BIVM: variants seen among roughly 807,000 people sequenced by gnomAD.
BIVM encodes basic immunoglobulin-like variable motif-containing protein.
In BIVM, 31 loss-of-function variants were observed where a neutral mutation model predicts 61.4. That is an observed-to-expected ratio of 0.51 (90% CI 0.38 to 0.68). BIVM has a LOEUF of 0.68. Among genes scored for constraint, BIVM ranks in the 30% least tolerant of loss-of-function variants. BIVM has a pLI of 0.00. For synonymous variants in BIVM, 189 were observed against 210.7 expected, an observed-to-expected ratio of 0.90 and a Z score of 0.89; for missense variants, 526 against 596.0, an observed-to-expected ratio of 0.88 and a Z score of 1.22.
At chr13:102,806,206 T>C (rs939898858) in intron 2 of BIVM, among the ~76,000 whole-genome samples, 6 of 152,208 alleles carry the variant, frequency 3.9e-5, no homozygotes, top group Non-Finnish European at 8.8e-5. Flanking sequence ...GATTTGTATT[T>C]CCATGATGGC....
intron 7 of BIVM, among the ~76,000 whole-genome samples, chr13:102,826,498 A>G (rs985790001): frequency 6.6e-6 from 1 of 152,212 alleles, no homozygotes; most frequent in Non-Finnish European, 1.5e-5. Flanking sequence ...ATCACTTCCT[A>G]ACTGATTCAT....
Position 102,828,673 on chromosome 13 carries a change from G to A in BIVM, c.902-2892G>A, listed in dbSNP as rs532320820. ...TTGCTTACAGCATAAACTGCTTAGT[G>A]TCATTCCAAGCTGACACAAATTGGC... On this transcript the variant is annotated intron_variant, in intron 7 of 10. Transcript: ENST00000257336. Among the ~76,000 whole-genome samples the A allele has an allele frequency of 1.8e-4, 27 of 152,296 alleles. No individual in the cohort carries two copies. The South Asian group carries it at 5.6e-3, about 32-fold the overall frequency.
At chr13:102,801,961 C>T (rs1345499088) in intron 1 of BIVM, among the ~76,000 whole-genome samples, 1 of 151,684 alleles carries the variant, frequency 6.6e-6, no homozygotes, top group African/African-American at 2.4e-5. Flanking sequence ...TAATGTGGAG[C>T]TTGGGGGGTG....
intron 5 of BIVM, 67 bp from the exon 6 acceptor site, chr13:102,821,676 T>G: frequency 1.2e-4 from 163 of 1,348,268 alleles, no homozygotes; most frequent in Non-Finnish European, 1.5e-4. Context: ...ATATTAACAT[T>G]GAGACAGGCT....
chr13:102,824,865 T>G lies in BIVM; in HGVS notation c.901+2706T>G, dbSNP rs112593530. ...GCCTTGAACTCCTAGGCTCAAGCGA[T>G]CCTTTCCCCTTAGCCTCCCAAGTAG... On this transcript the variant is annotated intron_variant, in intron 7 of 10. Transcript: ENST00000257336. Among the ~76,000 whole-genome samples, 890 of 152,298 alleles carry G rather than the reference T, an allele frequency of 5.8e-3. 10 individuals carry two copies. The highest frequency in any genetic ancestry group is 0.018 in the African/African-American group (763 of 41,570).
In BIVM at chr13:102,840,037, G is replaced by A; in HGVS notation, c.*172G>A. 1.6e-6 allele frequency: 1 copy of A among 632,958 alleles called. No homozygotes were observed. Among genetic ancestry groups the A allele is most frequent in the East Asian group, 2.8e-5 (1 of 35,696 alleles). The allele number at this position is 632,958 out of a possible 1,614,324, so 39.2% of individuals were successfully genotyped here. A position where few individuals can be genotyped will look rare whatever the true frequency, so the allele number is the denominator to read the frequency against. ...AAGCTTGTATATGATTATGGTGGGTGATTTCAGATATATAAGCAGATAAGC... is the reference window on the plus strand; with the variant it reads ...AAGCTTGTATATGATTATGGTGGGTAATTTCAGATATATAAGCAGATAAGC... On this transcript the variant is annotated 3_prime_UTR_variant, in exon 11 of 11. Transcript: ENST00000257336.
chr13:102,840,123 C>T lies in BIVM; in HGVS notation c.*258C>T, dbSNP rs1881731192. The T allele has an allele frequency of 3.0e-6, 1 of 338,964 alleles. No homozygotes were observed. Among genetic ancestry groups the T allele is most frequent in the Non-Finnish European group, 5.3e-6 (1 of 188,794 alleles). The allele number at this position is 338,964 out of a possible 1,614,324, so 21.0% of individuals were successfully genotyped here. On this transcript the variant is annotated 3_prime_UTR_variant, in exon 11 of 11. Transcript: ENST00000257336. ...TCTGGACAGAAAATTTCACAAAATTCAATAAAATTACAACTGTTGTCTAAA... is the reference window on the plus strand; with the variant it reads ...TCTGGACAGAAAATTTCACAAAATTTAATAAAATTACAACTGTTGTCTAAA...
At chr13:102,837,235 ACCACTGCACT>A (rs1043028156) in intron 9 of BIVM, among the ~76,000 whole-genome samples, 2 of 152,098 alleles carry the variant, frequency 1.3e-5, no homozygotes, top group African/African-American at 4.8e-5. Context: ...CTGAGATTGC[ACCACTGCACT>A]CCTCCCTAAG....
intron 4 of BIVM, chr13:102,820,767 C>T (rs1480433207): frequency 2.0e-5 from 7 of 354,544 alleles, no homozygotes; most frequent in East Asian, 7.3e-5. Context: ...TTTTAATAGG[C>T]GATATATCAT....
At chr13:102,803,272 G>A (rs1051659314) in intron 1 of BIVM, among the ~76,000 whole-genome samples, 9 of 152,028 alleles carry the variant, frequency 5.9e-5, no homozygotes, top group African/African-American at 1.9e-4. Context: ...GGGGGCCGAG[G>A]CCAGCAGATC....
At chr13:102,835,784 C>T (rs1881427740) in intron 9 of BIVM, among the ~76,000 whole-genome samples, 1 of 152,240 alleles carries the variant, frequency 6.6e-6, no homozygotes, top group African/African-American at 2.4e-5. Context: ...CCACCCTCCT[C>T]AGCCTCCCAA....
Position 102,807,334 on chromosome 13 carries a change from A to C in BIVM, c.67A>C (p.Lys23Gln), listed in dbSNP as rs747455901. The C allele has an allele frequency of 6.2e-7, 1 of 1,614,180 alleles. No homozygotes were observed. Among genetic ancestry groups the C allele is most frequent in the Non-Finnish European group, 8.5e-7 (1 of 1,180,006 alleles). Residue 23 changes from lysine (K) to glutamine (Q), a missense_variant, in exon 3 of 11, where the codon AAG (lysine) becomes CAG (glutamine). Lys to Gln is a moderately conservative substitution (Grantham distance 53, BLOSUM62 1). Transcript: ENST00000257336. This position sits in a 1 kb window ranked among gnomAD's most constrained non-coding sequence, Gnocchi z 4.0. The stretch of plus-strand genomic sequence containing the variant: ...AAATGGTGAGCACAAATCTGAGAGA[A>C]AGTCACCTGAAGAGAATCTACAAGG... ...SGNGEHKSER[K>Q]SPEENLQGAV...
intron 7 of BIVM, among the ~76,000 whole-genome samples, chr13:102,825,307 A>G (rs1454473582): frequency 6.6e-6 from 1 of 151,898 alleles, no homozygotes; most frequent in Non-Finnish European, 1.5e-5. Context: ...TATATTGCCC[A>G]GGCTAGTCTT....
intron 7 of BIVM, among the ~76,000 whole-genome samples, chr13:102,824,442 A>G (rs1880516325): frequency 6.6e-6 from 1 of 152,264 alleles, no homozygotes; most frequent in African/African-American, 2.4e-5. Flanking sequence ...TTCTGTGCCC[A>G]CAAAGGGGGT....
At chr13:102,820,627 G>T (rs1880202591) in intron 4 of BIVM, 1 of 193,818 alleles carries the variant, frequency 5.2e-6, no homozygotes, top group South Asian at 9.5e-5. Flanking sequence ...GGTAATAAAT[G>T]GATGAATTTT....
chr13:102,807,292 A>G lies in BIVM; in HGVS notation c.25A>G (p.Arg9Gly). 1 of 1,607,930 alleles carries G rather than the reference A, an allele frequency of 6.2e-7. No individual in the cohort carries two copies. Among genetic ancestry groups the G allele is most frequent in the East Asian group, 2.2e-5 (1 of 44,718 alleles). Residue 9 changes from arginine (R) to glycine (G), a missense_variant, in exon 3 of 11, where the codon AGG (arginine) becomes GGG (glycine). Physicochemically the swap from Arg to Gly is moderately radical, Grantham distance 125. Transcript: ENST00000257336. The surrounding 1 kb of genome is among the most constrained non-coding windows in gnomAD (Gnocchi z 4.0). ...AATGCCTAACGTTGCAGAAACAGAA[A>G]GGTCAAATGATTCTGGAAATGGTGA... Reference protein sequence around the residue: MPNVAETERSNDSGNGEHK... With the variant: MPNVAETEGSNDSGNGEHK...
intron 9 of BIVM, among the ~76,000 whole-genome samples, chr13:102,834,945 T>C (rs1437475711): frequency 1.3e-5 from 2 of 152,244 alleles, no homozygotes; most frequent in African/African-American, 4.8e-5. Context: ...TGCAATTTGT[T>C]TTCCATTTTC....
intron 7 of BIVM, among the ~76,000 whole-genome samples, chr13:102,829,212 C>A (rs185126686): frequency 4.5e-4 from 69 of 152,224 alleles, no homozygotes; most frequent in Admixed American, 3.5e-3. Context: ...TCATACTAAG[C>A]AAACTCAGAA....
chr13:102,832,164 C>T (rs773355930), intron 8 of BIVM, among the ~76,000 whole-genome samples: 2 of 152,056 alleles, frequency 1.3e-5, no homozygotes, highest in Non-Finnish European at 2.9e-5. Flanking sequence ...GTTGTTCAGT[C>T]ATTATAGGAA....
Sources: allele counts gnomAD v4.1 joint callset (sites outside exome capture counted in the v4.1 genomes callset), GRCh38; gene constraint gnomAD v4.1.1; non-coding constraint Gnocchi (gnomAD v3.1); transcripts MANE v1.5; gene names NCBI Gene and HGNC (gene_info 2026-07-23, HGNC 2026-07-21).